The following WDPCP variants were observed in gnomAD, a reference collection of about 807,000 sequenced individuals.
WDPCP encodes WD repeat containing planar cell polarity effector.
Under a neutral mutation model 93.1 loss-of-function variants are expected in WDPCP, and 71 were observed. The ratio of observed to expected loss-of-function variants is 0.76; its 90% confidence interval spans 0.63 to 0.93. WDPCP has a LOEUF of 0.93. Among genes scored for constraint, WDPCP ranks in the 40% least tolerant of loss-of-function variants. The probability of loss-of-function intolerance (pLI) is 0.00; values close to 1 mark genes in which losing one functional copy is unlikely to be tolerated. For synonymous variants in WDPCP, 315 were observed against 315.0 expected, an observed-to-expected ratio of 1.00 and a Z score of 0.00; for missense variants, 844 against 887.4, an observed-to-expected ratio of 0.95 and a Z score of 0.62.
chr2:63,685,281 T>G (rs1158650546), intron 2 of WDPCP, among the ~76,000 whole-genome samples: 2 of 152,056 alleles, frequency 1.3e-5, no homozygotes, highest in African/African-American at 2.4e-5. Flanking sequence ...ACATTAGAAC[T>G]GATAGAGCAG....
chr2:63,707,603 T>A (rs375248386), intron 2 of WDPCP, among the ~76,000 whole-genome samples: 8 of 152,234 alleles, frequency 5.3e-5, no homozygotes, highest in Non-Finnish European at 1.0e-4. Flanking sequence ...TAGTTTGATC[T>A]TCTGAAGCCT....
At chr2:63,454,445 A>G (rs955379620) in intron 6 of WDPCP, among the ~76,000 whole-genome samples, 3 of 152,006 alleles carry the variant, frequency 2.0e-5, no homozygotes, top group Non-Finnish European at 4.4e-5. Flanking sequence ...TGGCACATGT[A>G]TACCTGTGTA....
At chr2:63,391,719 A>G (rs1693266711) in intron 10 of WDPCP, among the ~76,000 whole-genome samples, 3 of 152,206 alleles carry the variant, frequency 2.0e-5, no homozygotes, top group Admixed American at 6.6e-5. Context: ...ATGTGCAAAA[A>G]TCACAAGCAT....
chr2:63,274,942 C>G (rs988659020), intron 13 of WDPCP, among the ~76,000 whole-genome samples: 1 of 152,150 alleles, frequency 6.6e-6, no homozygotes, highest in South Asian at 2.1e-4. Flanking sequence ...CTAACTCATT[C>G]TATGAGGTCA....
intron 1 of WDPCP, among the ~76,000 whole-genome samples, chr2:63,506,979 C>G (rs1701918145): frequency 6.6e-6 from 1 of 151,654 alleles, no homozygotes; most frequent in African/African-American, 2.4e-5. Context: ...AAGAAACGTA[C>G]AGAGAAAGAG....
intron 2 of WDPCP, among the ~76,000 whole-genome samples, chr2:63,667,406 A>C (rs1710296865): frequency 6.6e-6 from 1 of 152,182 alleles, no homozygotes; most frequent in Non-Finnish European, 1.5e-5. Context: ...CAATCCAGTG[A>C]CTTCTGGATG....
At chr2:63,142,390 G>C (rs181910545) in intron 17 of WDPCP, among the ~76,000 whole-genome samples, 57 of 152,212 alleles carry the variant, frequency 3.7e-4, no homozygotes, top group Non-Finnish European at 6.9e-4. Flanking sequence ...TTTCATTTTT[G>C]ACTCAATGCT....
At chr2:63,244,592 A>G (rs1477725839) in intron 14 of WDPCP, among the ~76,000 whole-genome samples, 2 of 152,206 alleles carry the variant, frequency 1.3e-5, no homozygotes, top group East Asian at 1.9e-4. Flanking sequence ...GAACACCTCT[A>G]TGCACACAAA....
intron 17 of WDPCP, among the ~76,000 whole-genome samples, chr2:63,125,924 T>G (rs879878231): frequency 6.6e-6 from 1 of 151,418 alleles, no homozygotes; most frequent in Non-Finnish European, 1.5e-5. Flanking sequence ...TTTCAGTTTT[T>G]TTTTACACAA....
At position 63,347,148 on chromosome 2, in the gene WDPCP, A is replaced by C. The variant is rs943036791; in HGVS notation, c.1748+31238T>G. 1.2e-4 allele frequency among the ~76,000 whole-genome samples: 19 copies of C among 152,182 alleles called. 2 individuals are homozygous for C. The highest frequency in any genetic ancestry group is 1.1e-3 in the Admixed American group (17 of 15,270). The stretch of plus-strand genomic sequence containing the variant: ...TACTAGTTACTATTTTAAGTACCTT[A>C]CATATATTAATTCATTTAATCTTGA... On this transcript the variant is annotated intron_variant, in intron 12 of 17. Transcript: ENST00000272321.
chr2:63,215,864 G>T (rs1444074679), intron 14 of WDPCP, among the ~76,000 whole-genome samples: 1 of 151,826 alleles, frequency 6.6e-6, no homozygotes, highest in Non-Finnish European at 1.5e-5. Context: ...AAATTTACAA[G>T]AAAAAAACAA....
chr2:63,201,606 C>T (rs968089484), intron 14 of WDPCP, among the ~76,000 whole-genome samples: 36 of 152,060 alleles, frequency 2.4e-4, no homozygotes, highest in Admixed American at 2.2e-3. Context: ...TTAAGAACCA[C>T]AGGTAATCTG....
chr2:63,193,779 A>T (rs1675216494), intron 14 of WDPCP, among the ~76,000 whole-genome samples: 1 of 152,226 alleles, frequency 6.6e-6, no homozygotes, highest in Non-Finnish European at 1.5e-5. Flanking sequence ...ATTGTTGGGT[A>T]AAATTAATTT....
chr2:63,483,489 TA>T (rs1161521077), intron 6 of WDPCP, among the ~76,000 whole-genome samples: 1 of 151,880 alleles, frequency 6.6e-6, no homozygotes, highest in Non-Finnish European at 1.5e-5. Context: ...AGAAGGTAAC[TA>T]AATAGTTGCC....
chr2:63,690,418 C>A lies in WDPCP; in HGVS notation n.309-39580G>T, dbSNP rs907570820. Among the ~76,000 whole-genome samples the A allele has an allele frequency of 3.3e-5, 5 of 152,240 alleles. No individual in the cohort carries two copies. The South Asian group carries it at 1.0e-3, about 32-fold the overall frequency. ...TTTCACACCATCCCAGTAAGTCCCA[C>A]TTAGGAACATCCTAGCCTTCTGTAG... On this transcript the variant is annotated intron_variant and non_coding_transcript_variant, in intron 2 of 4. Transcript: ENST00000467687.
At chr2:63,322,163 C>T (rs111762675) in intron 12 of WDPCP, among the ~76,000 whole-genome samples, 24,364 of 152,126 alleles carry the variant, frequency 0.16, 2,605 homozygotes, top group Non-Finnish European at 0.21. Flanking sequence ...ATTGTAAATG[C>T]ACCAATCAGC....
At chr2:63,208,294 T>C (rs1177358881) in intron 14 of WDPCP, among the ~76,000 whole-genome samples, 1 of 152,196 alleles carries the variant, frequency 6.6e-6, no homozygotes, top group African/African-American at 2.4e-5. Context: ...TTCATTTTTA[T>C]GGAAAACTGC....
At chr2:63,504,319 C>A (rs1701730663) in intron 1 of WDPCP, among the ~76,000 whole-genome samples, 1 of 121,408 alleles carries the variant, frequency 8.2e-6, no homozygotes, top group African/African-American at 3.3e-5. Context: ...AAATTACGTA[C>A]TAAATTGTGT....
chr2:63,800,530 GT>G (rs1163160525), intron 2 of WDPCP, among the ~76,000 whole-genome samples: 2 of 152,116 alleles, frequency 1.3e-5, no homozygotes, highest in African/African-American at 4.8e-5. Context: ...ACAATCAAAA[GT>G]TCAGAAGTAT....
Sources: gnomAD v4.1 joint callset for allele counts (sites outside exome capture counted in the v4.1 genomes callset) on GRCh38, gnomAD v4.1.1 for gene constraint, MANE v1.5 for transcripts, NCBI Gene and HGNC (gene_info 2026-07-23, HGNC 2026-07-21) for gene names.